Variants in TRAPPC11 observed in about 807,000 individuals in gnomAD.
The protein encoded by TRAPPC11 is trafficking protein particle complex subunit 11, also known as foie gras homolog.
TRAPPC11 carries 104 observed loss-of-function variants against 151.2 expected under a neutral mutation model. That is an observed-to-expected ratio of 0.69 (90% CI 0.59 to 0.81). The LOEUF is 0.81. Ranked by LOEUF, TRAPPC11 falls within the 30% of genes least tolerant of loss-of-function variation. The pLI is 0.00. For synonymous variants in TRAPPC11, 456 were observed against 472.3 expected, an observed-to-expected ratio of 0.97 and a Z score of 0.45; for missense variants, 1,230 against 1,349.6, an observed-to-expected ratio of 0.91 and a Z score of 1.39.
chr4:183,693,332 G>A (rs1736353698), intron 20 of TRAPPC11, among the ~76,000 whole-genome samples, 185 bp downstream of exon 20: 1 of 151,988 alleles, frequency 6.6e-6, no homozygotes, highest in African/African-American at 2.4e-5. Context: ...GCCTTCCCCA[G>A]TAGTTGGGAC....
chr4:183,692,463 A>T (rs1736303399), intron 19 of TRAPPC11, among the ~76,000 whole-genome samples: 1 of 152,110 alleles, frequency 6.6e-6, no homozygotes, highest in Non-Finnish European at 1.5e-5. Flanking sequence ...AGACATAAAT[A>T]ATAATTAGTA....
intron 29 of TRAPPC11, among the ~76,000 whole-genome samples, chr4:183,709,999 T>C (rs113367939): frequency 6.6e-6 from 1 of 152,268 alleles, no homozygotes; most frequent in African/African-American, 2.4e-5. Flanking sequence ...GTTAGACTTT[T>C]TGAAGTTTGC....
At chr4:183,707,254 ATGTGTGTGTG>A (rs10576583) in intron 28 of TRAPPC11, among the ~76,000 whole-genome samples, 3 of 148,566 alleles carry the variant, frequency 2.0e-5, no homozygotes, top group African/African-American at 7.5e-5. Context: ...GTGTGTGTTT[ATGTGTGTGTG>A]TGTGTGTGTG....
chr4:183,660,817 C>G (rs6858713), intron 1 of TRAPPC11, among the ~76,000 whole-genome samples: 1 of 151,652 alleles, frequency 6.6e-6, no homozygotes, highest in Non-Finnish European at 1.5e-5. Context: ...GGGTTCAAGC[C>G]ATTCTCCTGC....
chr4:183,706,674 A>T (rs2111101214), intron 27 of TRAPPC11, 133 bp from the exon 28 acceptor site: 1 of 936,360 alleles, frequency 1.1e-6, no homozygotes, highest in East Asian at 2.6e-5. Context: ...GAATTTTCTT[A>T]TCCGGCAAGA....
At chr4:183,662,168 G>T (rs1052600639) in intron 1 of TRAPPC11, among the ~76,000 whole-genome samples, 2 of 151,926 alleles carry the variant, frequency 1.3e-5, no homozygotes, top group African/African-American at 4.8e-5. Context: ...GACCATCCTG[G>T]CCAACATGGT....
intron 8 of TRAPPC11, 56 bp from the exon 9 acceptor site, chr4:183,679,297 A>G: frequency 1.4e-6 from 2 of 1,449,350 alleles, no homozygotes. Flanking sequence ...TTAAATGAAT[A>G]TGTCTTTTGA....
At chr4:183,706,461 T>C (rs1224964376) in intron 27 of TRAPPC11, among the ~76,000 whole-genome samples, 3 of 151,284 alleles carry the variant, frequency 2.0e-5, no homozygotes, top group Non-Finnish European at 4.4e-5. Flanking sequence ...AGGCGGAGCT[T>C]GCAGTGAGCC....
At chr4:183,690,503 G>A (rs1736208324) in intron 18 of TRAPPC11, among the ~76,000 whole-genome samples, 1 of 152,206 alleles carries the variant, frequency 6.6e-6, no homozygotes, top group Non-Finnish European at 1.5e-5. Flanking sequence ...AGTTTCAGTG[G>A]TAGTGGACTT....
chr4:183,697,187 G>T (rs1579212207), intron 23 of TRAPPC11, among the ~76,000 whole-genome samples: 1 of 151,960 alleles, frequency 6.6e-6, no homozygotes, highest in Non-Finnish European at 1.5e-5. Flanking sequence ...AGCCGGGCGT[G>T]GTAGTGTGCT....
At chr4:183,685,442 T>C in intron 17 of TRAPPC11, 39 bp downstream of exon 17, 5 of 1,581,580 alleles carry the variant, frequency 3.2e-6, no homozygotes, top group Non-Finnish European at 4.3e-6. Context: ...TCAGAGAAAT[T>C]GTCTTATTTC....
At chr4:183,684,571 T>C in intron 14 of TRAPPC11, 125 bp from the exon 15 acceptor site, 2 of 1,120,910 alleles carry the variant, frequency 1.8e-6, no homozygotes, top group Non-Finnish European at 2.6e-6. Context: ...TGAGAATACC[T>C]GTTCAACCAT....
intron 5 of TRAPPC11, among the ~76,000 whole-genome samples, chr4:183,671,648 G>T (rs1361563955): frequency 1.3e-5 from 2 of 152,192 alleles, no homozygotes; most frequent in Non-Finnish European, 1.5e-5. Flanking sequence ...ACATAAATCT[G>T]CATCTATAAC....
rs1426867071 is a variant in TRAPPC11 at position 183,701,741 on chromosome 4, C to A, written c.2896C>A (p.Gln966Lys). Residue 966 changes from glutamine to lysine, a missense_variant, in exon 26 of 30, where the codon CAA (glutamine) becomes AAA (lysine). Transcript: ENST00000334690. ...GAGTGCTAGTGAATGCTTTTGTCTT[C>A]AATGCCCATCTCTTGGAAATATTGA... Reference protein sequence around the residue: ...GESASECFCLQCPSLGNIEGG... With the variant: ...GESASECFCLKCPSLGNIEGG... 7 of 1,614,022 alleles carry A rather than the reference C, an allele frequency of 4.3e-6. No individual in the cohort carries two copies. Among genetic ancestry groups the A allele is most frequent in the Non-Finnish European group, 5.9e-6 (7 of 1,179,928 alleles).
At chr4:183,685,203 T>C (rs900503647) in intron 16 of TRAPPC11, 58 bp downstream of exon 16, 2 of 1,609,646 alleles carry the variant, frequency 1.2e-6, no homozygotes, top group African/African-American at 2.7e-5. Context: ...CTTATATCTA[T>C]ATCAACTAAT....
intron 18 of TRAPPC11, 64 bp from the exon 19 acceptor site, chr4:183,691,252 A>G (rs1276702840): frequency 6.1e-6 from 8 of 1,309,494 alleles, no homozygotes; most frequent in Non-Finnish European, 8.1e-6. Flanking sequence ...ATGAGCTCCA[A>G]AGCACTTGGC....
intron 23 of TRAPPC11, among the ~76,000 whole-genome samples, chr4:183,695,007 G>A (rs2111071715): frequency 6.8e-6 from 1 of 146,226 alleles, no homozygotes; most frequent in South Asian, 2.1e-4. Context: ...GGAGTGCAGT[G>A]GCACGATCTT....
At chr4:183,674,420 CAAAAAAAAAAA>C (rs34161415) in intron 5 of TRAPPC11, among the ~76,000 whole-genome samples, 10 of 40,000 alleles carry the variant, frequency 2.5e-4, no homozygotes, top group Non-Finnish European at 5.4e-4. Context: ...GACCCTGTCT[CAAAAAAAAAAA>C]AAAAAAAAAA....
chr4:183,664,088 G>A lies in TRAPPC11; in HGVS notation c.204+17G>A, dbSNP rs200658266. 4,244 of 1,598,710 alleles carry A rather than the reference G, an allele frequency of 2.7e-3. 10 individuals are homozygous for A. The highest frequency in any genetic ancestry group is 3.2e-3 in the Non-Finnish European group (3,763 of 1,169,154). On this transcript the variant is annotated intron_variant, in intron 2 of 29. Transcript: ENST00000334690. ...AGACCCAAGGTAATGGCATTGTGAT[G>A]GCATGTGTTCTTTCCTTCTCTCTCT...
Sources: gnomAD v4.1 joint callset for allele counts (sites outside exome capture counted in the v4.1 genomes callset) on GRCh38, gnomAD v4.1.1 for gene constraint, MANE v1.5 for transcripts, NCBI Gene and HGNC (gene_info 2026-07-23, HGNC 2026-07-21) for gene names.